Variants in GTF3C1 observed in about 807,000 individuals in gnomAD.
The protein encoded by GTF3C1 is general transcription factor IIIC subunit 1.
In GTF3C1, 57 loss-of-function variants were observed where a neutral mutation model predicts 226.7. The observed-to-expected ratio is 0.25, with a 90% confidence interval of 0.20 to 0.31. The LOEUF is 0.31. Ranked by LOEUF, GTF3C1 falls within the 10% of genes least tolerant of loss-of-function variation. GTF3C1 has a pLI of 1.00. For missense variants in GTF3C1, 2,217 were observed against 2,776.1 expected (o/e 0.80, Z 4.53); for synonymous variants, 1,090 against 1,084.8 (o/e 1.00, Z -0.09).
chr16:27,528,500 A>G (rs569248765), intron 6 of GTF3C1, 98 bp downstream of exon 6: 14 of 933,768 alleles, frequency 1.5e-5, no homozygotes, highest in Non-Finnish European at 2.4e-5. Flanking sequence ...TCATTATGCC[A>G]CAAGGCAGAA....
chr16:27,501,602 G>A (rs1302643639), intron 11 of GTF3C1, among the ~76,000 whole-genome samples: 2 of 152,194 alleles, frequency 1.3e-5, no homozygotes, highest in Non-Finnish European at 2.9e-5. Flanking sequence ...AAGAGACTAC[G>A]ATTTGAGATC....
intron 10 of GTF3C1, among the ~76,000 whole-genome samples, chr16:27,504,187 G>A (rs1567401491): frequency 1.3e-5 from 2 of 152,228 alleles, no homozygotes; most frequent in South Asian, 4.1e-4. Flanking sequence ...AGGATGCGGG[G>A]AGGACCATGG....
intron 10 of GTF3C1, among the ~76,000 whole-genome samples, chr16:27,505,341 T>G (rs1159092147): frequency 6.6e-6 from 1 of 152,256 alleles, no homozygotes; most frequent in Non-Finnish European, 1.5e-5. Flanking sequence ...AAAGCAGAGT[T>G]TCTCCACCTT....
chr16:27,478,417 C>A, intron 28 of GTF3C1, 52 bp downstream of exon 28: 2 of 1,220,594 alleles, frequency 1.6e-6, no homozygotes, highest in South Asian at 1.2e-5. Flanking sequence ...GGTTGTCAGC[C>A]ATCAAGTTAT....
At chr16:27,474,727 A>T (rs2087927396) in intron 29 of GTF3C1, among the ~76,000 whole-genome samples, 1 of 152,136 alleles carries the variant, frequency 6.6e-6, no homozygotes, top group South Asian at 2.1e-4. Flanking sequence ...TCATCTACAA[A>T]ATGCTGGGGT....
At chr16:27,516,536 C>T (rs1008155974) in intron 6 of GTF3C1, among the ~76,000 whole-genome samples, 9 of 152,238 alleles carry the variant, frequency 5.9e-5, no homozygotes, top group East Asian at 1.9e-4. Context: ...TGTATCCGCC[C>T]GGCAAATAAG....
At chr16:27,528,307 A>G (rs1343125223) in intron 6 of GTF3C1, among the ~76,000 whole-genome samples, 1 of 152,152 alleles carries the variant, frequency 6.6e-6, no homozygotes, top group Non-Finnish European at 1.5e-5. Flanking sequence ...AGGAGACTAG[A>G]GTGGCTTAAT....
chr16:27,464,145 A>G, intron 34 of GTF3C1, 175 bp downstream of exon 34: 1 of 458,216 alleles, frequency 2.2e-6, no homozygotes, highest in Non-Finnish European at 3.8e-6. Context: ...CTGGAAATGC[A>G]TTTACAGGCA....
intron 28 of GTF3C1, among the ~76,000 whole-genome samples, chr16:27,477,924 C>T (rs1220497135): frequency 2.0e-5 from 3 of 152,212 alleles, no homozygotes; most frequent in Non-Finnish European, 4.4e-5. Context: ...AATCCCAGCA[C>T]TTTGAGAGAC....
At chr16:27,522,022 G>T (rs1357652406) in intron 6 of GTF3C1, among the ~76,000 whole-genome samples, 3 of 152,130 alleles carry the variant, frequency 2.0e-5, no homozygotes, top group Middle Eastern at 3.4e-3. Flanking sequence ...CTTTTCAACT[G>T]TTCCTGTTGG....
At chr16:27,548,846 A>G (rs2089212589) in intron 1 of GTF3C1, among the ~76,000 whole-genome samples, 1 of 152,136 alleles carries the variant, frequency 6.6e-6, no homozygotes, top group South Asian at 2.1e-4. Context: ...TAAAGCTTCT[A>G]GAATAGATTC....
At position 27,470,423 on chromosome 16, in the gene GTF3C1, G is replaced by C; in HGVS notation, c.4527-28C>G. ...ACAGACAAAAAGAAAGGAAGGGCCT[G>C]ACTGAGGGCCAGCTGTGGGAAGCCT... On this transcript the variant is annotated intron_variant, in intron 30 of 36. Coordinates refer to ENST00000356183, the MANE Select transcript of GTF3C1 (RefSeq NM_001520.4). This position sits in a 1 kb window ranked among gnomAD's most constrained non-coding sequence, Gnocchi z 4.9. The C allele has an allele frequency of 6.3e-7, 1 of 1,592,578 alleles. No individual in the cohort carries two copies. Among genetic ancestry groups the C allele is most frequent in the Non-Finnish European group, 8.6e-7 (1 of 1,164,654 alleles).
Position 27,528,667 on chromosome 16 carries a change from GC to G in GTF3C1, c.903del (p.Leu302Ter), listed in dbSNP as rs766134128. 1.2e-6 allele frequency: 2 copies of G among 1,612,546 alleles called. No individual in the cohort carries two copies. The highest frequency in any genetic ancestry group is 1.7e-6 in the Non-Finnish European group (2 of 1,178,528). ...KRLYQYMLNA[G>X]LAKVVSLRLQ... ...AAGCGAAGAGACACCACCTTGGCTA[GC>G]CCGGCGTTCAGCATATACTGGTACA... is the stretch of plus-strand genomic sequence containing the variant. On this transcript the variant is annotated frameshift_variant, in exon 6 of 37. Coordinates refer to ENST00000356183, the MANE Select transcript of GTF3C1 (RefSeq NM_001520.4). LOFTEE classifies it high-confidence loss of function.
In GTF3C1 at chr16:27,494,365, C is replaced by A. The variant is rs922036347; in HGVS notation, c.2778+398G>T. Among the ~76,000 whole-genome samples, 4 of 148,518 alleles carry A rather than the reference C, an allele frequency of 2.7e-5. No individual in the cohort carries two copies. The South Asian group carries it at 6.5e-4, about 24-fold the overall frequency. The stretch of plus-strand genomic sequence containing the variant: ...GCAGTGAGCAGAGATCGCGCCACTG[C>A]ACTCCAGCCTAGACGACAGAGCAAG... On this transcript the variant is annotated intron_variant, in intron 16 of 36. Coordinates refer to ENST00000356183, the MANE Select transcript of GTF3C1 (RefSeq NM_001520.4).
At chr16:27,489,258 C>A in intron 20 of GTF3C1, 80 bp from the exon 21 acceptor site, 1 of 1,487,438 alleles carries the variant, frequency 6.7e-7, no homozygotes, top group Non-Finnish European at 9.2e-7. Flanking sequence ...GGTTGAGGGA[C>A]ATTTATTTAT....
At chr16:27,509,003 G>T (rs1300600567) in intron 7 of GTF3C1, among the ~76,000 whole-genome samples, 9 of 152,220 alleles carry the variant, frequency 5.9e-5, no homozygotes. Flanking sequence ...TCGCATGAAT[G>T]AACTGTTTCA....
At chr16:27,535,466 T>G (rs1015207978) in intron 4 of GTF3C1, among the ~76,000 whole-genome samples, 1 of 151,880 alleles carries the variant, frequency 6.6e-6, no homozygotes, top group Non-Finnish European at 1.5e-5. Flanking sequence ...TACCAGCTAC[T>G]TGGGAGGCTG....
In GTF3C1 at chr16:27,463,387, C is replaced by A. The variant is rs1347642834; in HGVS notation, c.5924+154G>T. On this transcript the variant is annotated intron_variant, in intron 35 of 36. Coordinates refer to ENST00000356183, the MANE Select transcript of GTF3C1 (RefSeq NM_001520.4). The surrounding 1 kb of genome is among the most constrained non-coding windows in gnomAD (Gnocchi z 4.9). ...CACGCCTGCTGCTCGCCCACTGCGCCCCTCCAAGTACCCCTGCCAAGAACC... is the reference window on the plus strand; with the variant it reads ...CACGCCTGCTGCTCGCCCACTGCGCACCTCCAAGTACCCCTGCCAAGAACC... 5 of 666,998 alleles carry A rather than the reference C, an allele frequency of 7.5e-6. No homozygotes were observed. Among genetic ancestry groups the A allele is most frequent in the Non-Finnish European group, 1.3e-5 (5 of 372,830 alleles). The allele number at this position is 666,998 out of a possible 1,614,324, so 41.3% of individuals were successfully genotyped here.
intron 6 of GTF3C1, among the ~76,000 whole-genome samples, chr16:27,522,843 G>A (rs2088770342): frequency 6.6e-6 from 1 of 152,188 alleles, no homozygotes. Context: ...AAGTTATTGT[G>A]AACAAAATTG....
Sources: gnomAD v4.1 joint callset for allele counts (sites outside exome capture counted in the v4.1 genomes callset) on GRCh38, gnomAD v4.1.1 for gene constraint, Gnocchi (gnomAD v3.1) non-coding constraint, MANE v1.5 for transcripts, NCBI Gene and HGNC (gene_info 2026-07-23, HGNC 2026-07-21) for gene names.